MFSD12: variants seen among roughly 807,000 people sequenced by gnomAD.
MFSD12 encodes the protein major facilitator superfamily domain-containing protein 12.
A neutral mutation model predicts 51.2 loss-of-function variants in MFSD12; 67 were observed. That is an observed-to-expected ratio of 1.31 (90% CI 1.08 to 1.60). The LOEUF is 1.60. MFSD12 is among the 40% of genes most tolerant of loss of function. MFSD12 has a pLI of 0.00. For missense variants in MFSD12, 921 were observed against 673.0 expected (o/e 1.37, Z -4.08); for synonymous variants, 441 against 316.7 (o/e 1.39, Z -4.17).
At chr19:3,543,456 A>C (rs2030612581), downstream of MFSD12, 2 of 1,531,372 alleles carry the variant, frequency 1.3e-6, no homozygotes, top group Admixed American at 4.0e-5. Context: ...CAACACCGTG[A>C]GTGCAGCATG....
Position 3,544,566 on chromosome 19 carries a change from C to A in MFSD12, c.*144G>T. Reference sequence around the variant, plus strand: ...GGGCATCCCTGCTGCCCTCACCCGACCCCACCCCCGGGAGCTGGGTGAGGA... The same window carrying A: ...GGGCATCCCTGCTGCCCTCACCCGAACCCACCCCCGGGAGCTGGGTGAGGA... On this transcript the variant is annotated 3_prime_UTR_variant, in exon 10 of 10. Transcript: ENST00000355415. 4.1e-6 allele frequency: 6 copies of A among 1,450,004 alleles called. No individual in the cohort carries two copies. Among genetic ancestry groups the A allele is most frequent in the Non-Finnish European group, 5.4e-6 (6 of 1,105,766 alleles). The allele number at this position is 1,450,004 out of a possible 1,614,324, so 89.8% of individuals were successfully genotyped here.
At chr19:3,556,521 C>G (rs974530039) in intron 1 of MFSD12, among the ~76,000 whole-genome samples, 4 of 150,284 alleles carry the variant, frequency 2.7e-5, no homozygotes, top group African/African-American at 9.8e-5. Flanking sequence ...GATAGAGAAG[C>G]CCTGCACAGT....
At chr19:3,543,208 C>T, downstream of MFSD12, 3 of 1,535,536 alleles carry the variant, frequency 2.0e-6, no homozygotes, top group South Asian at 1.2e-5. Flanking sequence ...GACATGGGCT[C>T]AGTCTCTGCC....
At chr19:3,550,356 C>T (rs1248562173) in intron 2 of MFSD12, among the ~76,000 whole-genome samples, 1 of 151,840 alleles carries the variant, frequency 6.6e-6, no homozygotes, top group African/African-American at 2.4e-5. Flanking sequence ...CCAGACCAGC[C>T]TGGGCAATAT....
chr19:3,547,547 C>T lies in MFSD12; in HGVS notation c.838G>A (p.Val280Met), dbSNP rs746832966. 3.1e-6 allele frequency: 5 copies of T among 1,608,900 alleles called. No homozygotes were observed. The highest frequency in any genetic ancestry group is 4.2e-6 in the Non-Finnish European group (5 of 1,178,032). The change falls in exon 5 of 10, where the codon GTG becomes ATG. Residue 280 changes from valine to methionine, a missense_variant and splice_region_variant. By Grantham distance (21) the Val-to-Met change is conservative. Coordinates refer to ENST00000355415, the MANE Select transcript of MFSD12 (RefSeq NM_174983.5). ...CTGGTGGTCATGTACAGTATGCCCA[C>T]CTGTGGGCAGACCGACAGAGGGACT... is the stretch of plus-strand genomic sequence containing the variant. ...HWLREPAFYQVGILYMTTRLI... is the reference protein window; with the variant it reads ...HWLREPAFYQMGILYMTTRLI...
At chr19:3,542,447 G>A (rs1022883221), downstream of MFSD12, 1 of 985,346 alleles carries the variant, frequency 1.0e-6, no homozygotes, top group Non-Finnish European at 1.2e-6. Flanking sequence ...CCAAGAGCAA[G>A]GTCAAAGCAT....
rs1301252362 is a variant in MFSD12 at position 3,544,912 on chromosome 19, C to T, written c.1317G>A (p.Val439=). Residue 439 remains valine (V), a synonymous_variant, in exon 9 of 10, where the codon GTG becomes GTA. Transcript: ENST00000355415. ...CPSELCCRAC[V]SFYHWAMVAV... ...CCACCATCGCCCAGTGGTAAAAGCT[C>T]ACGCAGGCCCTGCAGCAGAGCTCTG... The T allele has an allele frequency of 1.2e-6, 2 of 1,610,886 alleles. No individual in the cohort carries two copies. The highest frequency in any genetic ancestry group is 3.3e-5 in the Admixed American group (2 of 59,856).
At chr19:3,538,637 C>A (rs2030092462) in exon 5 of MFSD12, 4 of 251,950 alleles carry the variant, frequency 1.6e-5, no homozygotes, top group Non-Finnish European at 2.7e-5. Flanking sequence ...GTGGCTGAGT[C>A]TCGTTCCAGC....
chr19:3,547,379 C>G lies in MFSD12; in HGVS notation c.931-15G>C, dbSNP rs2031155402. The G allele has an allele frequency of 2.5e-6, 4 of 1,612,864 alleles. No individual in the cohort carries two copies. The highest frequency in any genetic ancestry group is 3.4e-6 in the Non-Finnish European group (4 of 1,179,752). On this transcript the variant is annotated splice_polypyrimidine_tract_variant and intron_variant, in intron 5 of 9. Transcript: ENST00000355415. Reference sequence around the variant, plus strand: ...GCGATGAACTTCTGCGGAGGCAGAGCCAGGCATGCCGTGTCAGTCATGGCT... The same window carrying G: ...GCGATGAACTTCTGCGGAGGCAGAGGCAGGCATGCCGTGTCAGTCATGGCT...
intron 8 of MFSD12, 39 bp from the exon 9 acceptor site, chr19:3,544,978 ACCAC>A (rs775020140): frequency 1.3e-6 from 2 of 1,563,620 alleles, no homozygotes; most frequent in South Asian, 2.3e-5. Context: ...CACCGCGGGT[ACCAC>A]CCCCCCGCCA....
chr19:3,550,995 G>A lies in MFSD12; in HGVS notation c.498C>T (p.Leu166=). 1 of 1,611,718 alleles carries A rather than the reference G, an allele frequency of 6.2e-7. No homozygotes were observed. The highest frequency in any genetic ancestry group is 8.5e-7 in the Non-Finnish European group (1 of 1,179,846). The stretch of plus-strand genomic sequence containing the variant: ...GCCCAGGCTCCCACCTGAGTGCCGT[G>A]AGCTCCACCTTCTCATGGTCGTTGG... ...LVTNDHEKVE[L]TALRYAFTVV... The change falls in exon 2 of 10, where the codon CTC becomes CTT. Residue 166 remains leucine, a synonymous_variant. Coordinates refer to ENST00000355415, the MANE Select transcript of MFSD12 (RefSeq NM_174983.5).
intron 8 of MFSD12, among the ~76,000 whole-genome samples, chr19:3,545,830 C>T (rs2030968037): frequency 6.6e-6 from 1 of 152,202 alleles, no homozygotes; most frequent in Non-Finnish European, 1.5e-5. Context: ...CAGCTGGGCC[C>T]ACCCCCGATA....
rs5826823 is a variant in MFSD12 at position 3,549,723 on chromosome 19, CAAAAA to C, written c.509+1256_509+1260del. 1.4e-4 allele frequency among the ~76,000 whole-genome samples: 12 copies of C among 87,424 alleles called. No individual in the cohort carries two copies. The East Asian group carries it at 4.4e-3, about 32-fold the overall frequency. The allele number at this position is 87,424 out of a possible 152,430, so 57.4% of individuals were successfully genotyped here. A position where few individuals can be genotyped will look rare whatever the true frequency, so the allele number is the denominator to read the frequency against. The stretch of plus-strand genomic sequence containing the variant: ...GGGTGACAGAGTGAGACTCTTGTCT[CAAAAA>C]AAAAAAAAAAAAAAGCCAGGCACAG... On this transcript the variant is annotated intron_variant, in intron 2 of 9. Coordinates refer to ENST00000355415, the MANE Select transcript of MFSD12 (RefSeq NM_174983.5).
At chr19:3,541,853 G>C, downstream of MFSD12, 7 of 949,204 alleles carry the variant, frequency 7.4e-6, no homozygotes, top group Non-Finnish European at 8.8e-6. Flanking sequence ...CTCTCACCCA[G>C]GCTGGAGTGC....
At chr19:3,539,922 G>A (rs1351664747), downstream of MFSD12, 2 of 152,130 alleles carry the variant, frequency 1.3e-5, no homozygotes, top group Admixed American at 6.6e-5. Context: ...AAAGAAGAGT[G>A]AAAGCCCTTT....
chr19:3,541,484 G>T, downstream of MFSD12: 1 of 170,394 alleles, frequency 5.9e-6, no homozygotes, highest in South Asian at 2.0e-4. Context: ...CACCACGCCC[G>T]GCTAATTTTT....
chr19:3,546,117 T>G lies in MFSD12; in HGVS notation c.1246A>C (p.Asn416His), dbSNP rs199735254. ...TGGATGGCCATGACTGCCAGCCCAT[T>G]GGCCACCTTATCCAAGAAGCTCATG... ...GSMSFLDKVANGLAVMAIQSL... is the reference protein window; with the variant it reads ...GSMSFLDKVAHGLAVMAIQSL... The change falls in exon 8 of 10, where the codon AAT (asparagine) becomes CAT (histidine). Residue 416 changes from asparagine (N) to histidine (H), a missense_variant. Transcript: ENST00000355415. 1.3e-4 allele frequency: 215 copies of G among 1,613,252 alleles called. No homozygotes were observed. The highest frequency in any genetic ancestry group is 1.8e-4 in the Non-Finnish European group (208 of 1,180,014).
At position 3,557,137 on chromosome 19, in the gene MFSD12, G is replaced by C. The variant is rs2031767300; in HGVS notation, c.267C>G (p.Arg89=). The C allele has an allele frequency of 6.6e-7, 1 of 1,508,724 alleles. No individual in the cohort carries two copies. Among genetic ancestry groups the C allele is most frequent in the Non-Finnish European group, 8.8e-7 (1 of 1,131,012 alleles). 93.5% of individuals were successfully genotyped at this position (1,508,724 alleles called of 1,614,324 possible). The change falls in exon 1 of 10, where the codon CGC becomes CGG. Residue 89 remains arginine, a synonymous_variant. Coordinates refer to ENST00000355415, the MANE Select transcript of MFSD12 (RefSeq NM_174983.5). ...GGTGCCAGGCCTTGCGCGGGCCGTA[G>C]CGGGCGCAGCAGCTGGCGGCGCGGT... is the stretch of plus-strand genomic sequence containing the variant. ...EADRAASCCA[R]YGPRKAWHLV...
intron 6 of MFSD12, among the ~76,000 whole-genome samples, chr19:3,546,935 G>T (rs912704540): frequency 6.6e-6 from 1 of 152,088 alleles, no homozygotes; most frequent in Non-Finnish European, 1.5e-5. Flanking sequence ...CCGGGTTCAC[G>T]CCATTCTCCT....
Sources: gnomAD v4.1 joint callset for allele counts (sites outside exome capture counted in the v4.1 genomes callset) on GRCh38, gnomAD v4.1.1 for gene constraint, MANE v1.5 for transcripts, NCBI Gene and HGNC (gene_info 2026-07-23, HGNC 2026-07-21) for gene names.